NAV3: variants seen among roughly 807,000 people sequenced by gnomAD.
NAV3 encodes the protein neuron navigator 3, also known as pore membrane and/or filament interacting like protein 1.
A neutral mutation model predicts 244.7 loss-of-function variants in NAV3; 87 were observed. The ratio of observed to expected loss-of-function variants is 0.36; its 90% confidence interval spans 0.30 to 0.42. The LOEUF is 0.42. NAV3 is among the 20% of genes least tolerant of loss of function. NAV3 has a pLI of 1.00. For synonymous variants in NAV3, 1,126 were observed against 1,042.2 expected, an observed-to-expected ratio of 1.08 and a Z score of -1.55; for missense variants, 2,663 against 2,893.3, an observed-to-expected ratio of 0.92 and a Z score of 1.83.
intron 2 of NAV3, among the ~76,000 whole-genome samples, chr12:77,815,466 C>CT (rs1275183002): frequency 1.3e-5 from 2 of 152,000 alleles, no homozygotes; most frequent in Non-Finnish European, 1.5e-5. Flanking sequence ...TAAATATTGA[C>CT]TTTTTTTTCT....
chr12:77,938,287 T>G (rs1889520354), intron 1 of NAV3, among the ~76,000 whole-genome samples: 1 of 152,152 alleles, frequency 6.6e-6, no homozygotes, highest in South Asian at 2.1e-4. Context: ...CATACAAATA[T>G]AATCAAATCT....
chr12:77,786,853 C>T (rs1236201967), intron 2 of NAV3, among the ~76,000 whole-genome samples: 3 of 152,098 alleles, frequency 2.0e-5, no homozygotes, highest in Non-Finnish European at 2.9e-5. Flanking sequence ...AACAGGATGT[C>T]CTGACCTTTA....
intron 1 of NAV3, among the ~76,000 whole-genome samples, chr12:77,890,640 A>G (rs1295365433): frequency 6.6e-6 from 1 of 152,172 alleles, no homozygotes; most frequent in Non-Finnish European, 1.5e-5. Flanking sequence ...TGATATTTTT[A>G]CGATTCTTCA....
intron 2 of NAV3, among the ~76,000 whole-genome samples, chr12:77,766,422 C>T (rs544734029): frequency 6.6e-6 from 1 of 152,194 alleles, no homozygotes; most frequent in East Asian, 1.9e-4. Flanking sequence ...TTGGCTCACA[C>T]TTTCTCTAGT....
intron 2 of NAV3, among the ~76,000 whole-genome samples, chr12:77,728,505 C>T (rs1242974032): frequency 1.3e-5 from 2 of 151,922 alleles, no homozygotes; most frequent in African/African-American, 4.8e-5. Flanking sequence ...ATTTAGTCCA[C>T]TTCTTCATTT....
chr12:78,106,464 T>C (rs534662222), intron 12 of NAV3, among the ~76,000 whole-genome samples: 148 of 152,224 alleles, frequency 9.7e-4, no homozygotes, highest in Non-Finnish European at 1.4e-3. Context: ...TGAGAGACAA[T>C]ATTGTTAAAG....
chr12:78,160,387 G>GTGTGTGTGTGTA (rs1286430546), intron 23 of NAV3, among the ~76,000 whole-genome samples: 5 of 85,608 alleles, frequency 5.8e-5, no homozygotes, highest in African/African-American at 2.1e-4. Context: ...GAGTGTGTGT[G>GTGTGTGTGTGTA]TGTGTGTGTG....
chr12:77,619,088 G>T (rs1049163437), intron 2 of NAV3, among the ~76,000 whole-genome samples: 6 of 150,666 alleles, frequency 4.0e-5, no homozygotes, highest in African/African-American at 1.5e-4. Context: ...GTACTATATT[G>T]GACACTTAGC....
In NAV3 at chr12:78,076,401, A is replaced by G. The variant is rs111409008; in HGVS notation, c.2636+17286A>G. On this transcript the variant is annotated intron_variant, in intron 12 of 39. Transcript: ENST00000397909. ...TTGTGTGTCAATCTTATAATTCGCC[A>G]TGTTATATTGAGGACTCTGTGTCTG... Among the ~76,000 whole-genome samples, 15 of 152,250 alleles carry G rather than the reference A, an allele frequency of 9.9e-5. 1 individual carries two copies. Among genetic ancestry groups the G allele is most frequent in the African/African-American group, 3.6e-4 (15 of 41,550 alleles).
intron 12 of NAV3, among the ~76,000 whole-genome samples, chr12:78,107,097 C>T (rs989504042): frequency 6.6e-5 from 10 of 152,080 alleles, no homozygotes; most frequent in Admixed American, 2.0e-4. Flanking sequence ...TAGGAAGAAG[C>T]GACTGTTACA....
chr12:77,791,224 G>A (rs1022811028), intron 2 of NAV3, among the ~76,000 whole-genome samples: 2 of 151,682 alleles, frequency 1.3e-5, no homozygotes, highest in Admixed American at 6.6e-5. Flanking sequence ...CATGGTGATC[G>A]GTGCCTGTAA....
At chr12:78,068,613 T>A (rs1348088746) in intron 12 of NAV3, among the ~76,000 whole-genome samples, 1 of 147,376 alleles carries the variant, frequency 6.8e-6, no homozygotes, top group Non-Finnish European at 1.5e-5. Context: ...ATATTATATA[T>A]AATATATAAT....
intron 13 of NAV3, 72 bp from the exon 14 acceptor site, chr12:78,117,955 C>G (rs113614434): frequency 5.9e-6 from 8 of 1,346,056 alleles, no homozygotes; most frequent in African/African-American, 5.9e-5. Flanking sequence ...TCTGAAAGTA[C>G]ATTTCATTGC....
At chr12:77,772,254 A>G (rs1358672004) in intron 2 of NAV3, among the ~76,000 whole-genome samples, 2 of 152,326 alleles carry the variant, frequency 1.3e-5, no homozygotes, top group South Asian at 4.1e-4. Context: ...GTCAAGGCAT[A>G]TCAAGAACTT....
chr12:78,114,636 G>A (rs1044673621), intron 12 of NAV3, among the ~76,000 whole-genome samples: 6 of 152,064 alleles, frequency 3.9e-5, no homozygotes, highest in Non-Finnish European at 5.9e-5. Flanking sequence ...ACCTCCCAAC[G>A]GGTTCCTCCC....
At chr12:77,922,130 C>T (rs1485528838) in intron 1 of NAV3, among the ~76,000 whole-genome samples, 2 of 152,124 alleles carry the variant, frequency 1.3e-5, no homozygotes, top group Non-Finnish European at 2.9e-5. Flanking sequence ...CCTTGGTCAG[C>T]CCTGAAAACA....
intron 2 of NAV3, among the ~76,000 whole-genome samples, chr12:77,757,221 A>C (rs906331363): frequency 6.6e-6 from 1 of 152,226 alleles, no homozygotes; most frequent in Non-Finnish European, 1.5e-5. Context: ...CCTTCTGCTC[A>C]GGGGAGGCAC....
intron 9 of NAV3, among the ~76,000 whole-genome samples, chr12:78,046,484 A>G (rs190551442): frequency 6.6e-6 from 1 of 152,200 alleles, no homozygotes; most frequent in Non-Finnish European, 1.5e-5. Context: ...TAATTTCCTT[A>G]TTTACCCCGT....
upstream of NAV3, among the ~76,000 whole-genome samples, chr12:77,828,583 C>G (rs12811685): frequency 0.27 from 40,420 of 151,870 alleles, 6,468 homozygotes; most frequent in South Asian, 0.37. Context: ...CCTTTGTCTC[C>G]TAGGTCTCAA....
Sources: allele counts gnomAD v4.1 joint callset (sites outside exome capture counted in the v4.1 genomes callset), GRCh38; gene constraint gnomAD v4.1.1; transcripts MANE v1.5; gene names NCBI Gene and HGNC (gene_info 2026-07-23, HGNC 2026-07-21).